Variants in BCAS3 observed in about 807,000 individuals in gnomAD.
The protein encoded by BCAS3 is BCAS4/BCAS3 fusion.
Under a neutral mutation model 116.1 loss-of-function variants are expected in BCAS3, and 53 were observed. The observed-to-expected ratio is 0.46, with a 90% CI of 0.37 to 0.57. The LOEUF is 0.57. BCAS3 is among the 20% of genes least tolerant of loss of function. BCAS3 has a pLI of 0.00. For missense variants in BCAS3, 917 were observed against 1,165.4 expected (o/e 0.79, Z 3.10); for synonymous variants, 391 against 408.2 (o/e 0.96, Z 0.51).
Position 61,034,768 on chromosome 17 carries a change from T to G in BCAS3, c.1740T>G (p.Asn580Lys). 1 of 1,611,898 alleles carries G rather than the reference T, an allele frequency of 6.2e-7. No individual in the cohort carries two copies. Residue 580 changes from asparagine (N) to lysine (K), a missense_variant, in exon 17 of 24, where the codon AAT (asparagine) becomes AAG (lysine). Physicochemically the swap from Asn to Lys is moderately conservative, Grantham distance 94 (BLOSUM62 0). Transcript: ENST00000407086. The surrounding 1 kb of genome is among the most constrained non-coding windows in gnomAD (Gnocchi z 5.0). ...FGTSRSWFAN[N>K]AGLKREKDQS... Reference sequence around the variant, plus strand: ...CATCCAGGTCATGGTTTGCAAATAATGCAGGTCTGAAAAGAGAAAAAGGTA... The same window carrying G: ...CATCCAGGTCATGGTTTGCAAATAAGGCAGGTCTGAAAAGAGAAAAAGGTA...
At chr17:61,236,486 A>AT (rs1373493093) in intron 22 of BCAS3, among the ~76,000 whole-genome samples, 1 of 151,964 alleles carries the variant, frequency 6.6e-6, no homozygotes, top group African/African-American at 2.4e-5. Context: ...TGCCTGGCTA[A>AT]TTTTTTTGTA....
At chr17:60,827,771 A>G (rs1253595748) in intron 7 of BCAS3, among the ~76,000 whole-genome samples, 2 of 152,114 alleles carry the variant, frequency 1.3e-5, no homozygotes, top group Non-Finnish European at 2.9e-5. Context: ...GCGTGTTTCT[A>G]TGTAATAAGT....
At chr17:60,958,179 T>C (rs2061237091) in intron 14 of BCAS3, among the ~76,000 whole-genome samples, 1 of 152,156 alleles carries the variant, frequency 6.6e-6, no homozygotes, top group Non-Finnish European at 1.5e-5. Flanking sequence ...AGATCATAGA[T>C]TCTCAATACA....
intron 14 of BCAS3, among the ~76,000 whole-genome samples, chr17:60,963,421 C>CT (rs1417652700): frequency 2.0e-5 from 3 of 151,566 alleles, no homozygotes; most frequent in African/African-American, 7.3e-5. Flanking sequence ...TCATAGTTTT[C>CT]TTTTTATAGA....
At chr17:61,110,466 CAAAG>C (rs2074989576) in intron 22 of BCAS3, among the ~76,000 whole-genome samples, 1 of 152,166 alleles carries the variant, frequency 6.6e-6, no homozygotes, top group Non-Finnish European at 1.5e-5. Flanking sequence ...CTTTCCGAGT[CAAAG>C]AAAGGGGTGA....
chr17:60,951,047 CA>C (rs1335814811), intron 14 of BCAS3, among the ~76,000 whole-genome samples: 1 of 152,072 alleles, frequency 6.6e-6, no homozygotes, highest in Non-Finnish European at 1.5e-5. Flanking sequence ...AGAAGTTTTG[CA>C]ACTAGGAATT....
Position 61,161,065 on chromosome 17 carries a change from C to T in BCAS3, c.2425+76501C>T, listed in dbSNP as rs1304612694. Among the ~76,000 whole-genome samples the T allele has an allele frequency of 6.6e-6, 1 of 152,162 alleles. No homozygotes were observed. Among genetic ancestry groups the T allele is most frequent in the African/African-American group, 2.4e-5 (1 of 41,436 alleles). ...CTACAAGAGATCTATAGTTAAAATA[C>T]TCTGCAGATGATGAAGGATAGCATG... On this transcript the variant is annotated intron_variant, in intron 22 of 23. Coordinates refer to ENST00000407086, the MANE Select transcript of BCAS3 (RefSeq NM_017679.5). This position sits in a 1 kb window ranked among gnomAD's most constrained non-coding sequence, Gnocchi z 4.8.
chr17:61,148,529 T>C (rs1010852340), intron 22 of BCAS3, among the ~76,000 whole-genome samples: 2 of 152,212 alleles, frequency 1.3e-5, no homozygotes, highest in Admixed American at 1.3e-4. Context: ...GGCTCCGTGT[T>C]CCCAGACTTT....
chr17:61,069,256 C>A (rs932515186), intron 19 of BCAS3, among the ~76,000 whole-genome samples: 6 of 152,050 alleles, frequency 3.9e-5, no homozygotes, highest in African/African-American at 1.4e-4. Flanking sequence ...AGCTACCCAG[C>A]CTGGGTTTGC....
At chr17:60,737,515 A>G (rs1436306331) in intron 5 of BCAS3, among the ~76,000 whole-genome samples, 5 of 151,902 alleles carry the variant, frequency 3.3e-5, no homozygotes, top group Non-Finnish European at 7.4e-5. Context: ...TTCTTGTTTT[A>G]TAATATATTC....
Position 61,068,913 on chromosome 17 carries a change from G to A in BCAS3, c.2030-6007G>A, listed in dbSNP as rs555401412. 2.4e-4 allele frequency among the ~76,000 whole-genome samples: 36 copies of A among 152,222 alleles called. No homozygotes were observed. Among genetic ancestry groups the A allele is most frequent in the African/African-American group, 8.2e-4 (34 of 41,536 alleles). ...AGGTATGTCATTCCTTCCCAAGGTA[G>A]TAAACATAGAATGTTCTTCCTACCT... On this transcript the variant is annotated intron_variant, in intron 19 of 23. Transcript: ENST00000407086. This position sits in a 1 kb window ranked among gnomAD's most constrained non-coding sequence, Gnocchi z 4.3.
intron 7 of BCAS3, chr17:60,811,286 C>A (rs2048790726): frequency 1.1e-6 from 1 of 902,064 alleles, no homozygotes; most frequent in South Asian, 1.4e-5. Flanking sequence ...CAAGGTCAAG[C>A]TGGAGACTGA....
chr17:60,800,996 A>T (rs2047724796), intron 6 of BCAS3, among the ~76,000 whole-genome samples: 1 of 151,990 alleles, frequency 6.6e-6, no homozygotes, highest in Non-Finnish European at 1.5e-5. Flanking sequence ...TGATAGAGTG[A>T]TTTCCTCTAT....
intron 12 of BCAS3, 86 bp downstream of exon 12, chr17:60,910,788 G>A: frequency 8.2e-7 from 1 of 1,217,648 alleles, no homozygotes; most frequent in South Asian, 2.0e-5. Context: ...ATTTGGCCTA[G>A]GAGATTATCA....
chr17:61,318,317 C>T (rs1383498180), intron 22 of BCAS3, among the ~76,000 whole-genome samples: 1 of 152,212 alleles, frequency 6.6e-6, no homozygotes, highest in Non-Finnish European at 1.5e-5. Flanking sequence ...TGACTTTTCT[C>T]AGTTGGAAAC....
At position 61,141,332 on chromosome 17, in the gene BCAS3, A is replaced by T. The variant is rs1179332664; in HGVS notation, c.2425+56768A>T. Among the ~76,000 whole-genome samples, 1 of 152,072 alleles carries T rather than the reference A, an allele frequency of 6.6e-6. No homozygotes were observed. The highest frequency in any genetic ancestry group is 1.5e-5 in the Non-Finnish European group (1 of 67,996). ...CAGCATGTTGGGAGGCCAAAGTGGG[A>T]GGACCGCTTGAGACCAGGAATTTGA... On this transcript the variant is annotated intron_variant, in intron 22 of 23. Coordinates refer to ENST00000407086, the MANE Select transcript of BCAS3 (RefSeq NM_017679.5). The surrounding 1 kb of genome is among the most constrained non-coding windows in gnomAD (Gnocchi z 4.3).
At chr17:61,168,694 C>T (rs1197995222) in intron 22 of BCAS3, among the ~76,000 whole-genome samples, 1 of 152,156 alleles carries the variant, frequency 6.6e-6, no homozygotes, top group Non-Finnish European at 1.5e-5. Flanking sequence ...GCAGGTTCTG[C>T]CCTGTGCTGC....
intron 22 of BCAS3, among the ~76,000 whole-genome samples, chr17:61,107,199 G>C (rs372285812): frequency 6.9e-6 from 1 of 145,066 alleles, no homozygotes; most frequent in Admixed American, 7.5e-5. Context: ...TGATTCTTCT[G>C]CCTCAGCCTC....
At position 61,022,060 on chromosome 17, in the gene BCAS3, A is replaced by C. The variant is rs189312464; in HGVS notation, c.1637+6159A>C. ...AATGGATGTTTGGTTCTAGATATTA[A>C]ATAATGGACAATGTATTTTCATTGG... is the stretch of plus-strand genomic sequence containing the variant. On this transcript the variant is annotated intron_variant, in intron 16 of 23. Transcript: ENST00000407086. 4.6e-5 allele frequency among the ~76,000 whole-genome samples: 7 copies of C among 152,324 alleles called. No individual in the cohort carries two copies. The East Asian group carries it at 1.3e-3, about 29-fold the overall frequency.
Sources: gnomAD v4.1 joint callset for allele counts (sites outside exome capture counted in the v4.1 genomes callset) on GRCh38, gnomAD v4.1.1 for gene constraint, Gnocchi (gnomAD v3.1) non-coding constraint, MANE v1.5 for transcripts, NCBI Gene and HGNC (gene_info 2026-07-23, HGNC 2026-07-21) for gene names.